MFHAS1: variants seen among roughly 807,000 people sequenced by gnomAD.
MFHAS1 encodes malignant fibrous histiocytoma-amplified sequence 1.
In MFHAS1, 50 loss-of-function variants were observed where a neutral mutation model predicts 70.4. The observed-to-expected ratio is 0.71, with a 90% CI of 0.57 to 0.90. The LOEUF (loss-of-function observed/expected upper bound fraction) is 0.90. Ranked by LOEUF, MFHAS1 falls within the 40% of genes least tolerant of loss-of-function variation. The pLI, the probability that MFHAS1 is intolerant of heterozygous loss-of-function variation, is 0.00. For missense variants in MFHAS1, 1,795 were observed against 1,347.6 expected (o/e 1.33, Z -5.20); for synonymous variants, 952 against 620.0 (o/e 1.54, Z -7.96).
chr8:8,792,550 G>C (rs940626443), intron 2 of MFHAS1, among the ~76,000 whole-genome samples: 29 of 152,120 alleles, frequency 1.9e-4, no homozygotes, highest in African/African-American at 6.8e-4. Flanking sequence ...AGGTTGTGGT[G>C]AGCCAAGATC....
chr8:8,863,509 T>A (rs541775246), intron 1 of MFHAS1, among the ~76,000 whole-genome samples: 1 of 152,178 alleles, frequency 6.6e-6, no homozygotes, highest in Admixed American at 6.5e-5. Context: ...TACCTATATT[T>A]ATTACCACGT....
chr8:8,863,944 C>T, intron 1 of MFHAS1, among the ~76,000 whole-genome samples: 1 of 152,208 alleles, frequency 6.6e-6, no homozygotes, highest in East Asian at 1.9e-4. Context: ...AGACACCAGA[C>T]CCTTCACCCA....
Position 8,797,355 on chromosome 8 carries a change from G to C in MFHAS1, c.3125+10C>G, listed in dbSNP as rs531202175. 6.2e-7 allele frequency: 1 copy of C among 1,613,280 alleles called. No homozygotes were observed. The highest frequency in any genetic ancestry group is 2.2e-5 in the East Asian group (1 of 44,836). The stretch of plus-strand genomic sequence containing the variant: ...CAGGTCCCGGGGCCAGAGGGACTTT[G>C]AGAACTCACTTGGAACAGGGGCTGA... On this transcript the variant is annotated intron_variant, in intron 2 of 2. Coordinates refer to ENST00000276282, the MANE Select transcript of MFHAS1 (RefSeq NM_004225.3).
rs777813276 is a variant in MFHAS1, at chr8:8,892,034, G to C, written c.1025C>G (p.Thr342Ser). 4 of 1,613,426 alleles carry C rather than the reference G, an allele frequency of 2.5e-6. No homozygotes were observed. Among genetic ancestry groups the C allele is most frequent in the Non-Finnish European group, 3.4e-6 (4 of 1,179,978 alleles). ...CTGCAGCACGAGCTCCTCCAGGCCGGTCAGCTCCACGATGGAGTCCGGCAG... is the reference window on the plus strand; with the variant it reads ...CTGCAGCACGAGCTCCTCCAGGCCGCTCAGCTCCACGATGGAGTCCGGCAG... ...RYLPDSIVEL[T>S]GLEELVLQGN... Residue 342 changes from threonine to serine, a missense_variant, in exon 1 of 3, where the codon ACC becomes AGC. Thr to Ser is a moderately conservative substitution (Grantham distance 58). Coordinates refer to ENST00000276282, the MANE Select transcript of MFHAS1 (RefSeq NM_004225.3). The surrounding 1 kb of genome is among the most constrained non-coding windows in gnomAD (Gnocchi z 4.7).
intron 2 of MFHAS1, among the ~76,000 whole-genome samples, chr8:8,788,872 G>A (rs1017996483): frequency 1.3e-5 from 2 of 152,144 alleles, no homozygotes; most frequent in Non-Finnish European, 2.9e-5. Flanking sequence ...CACCACGGCT[G>A]ACCTCCCATG....
intron 2 of MFHAS1, among the ~76,000 whole-genome samples, chr8:8,787,996 C>G (rs1805610492): frequency 6.6e-6 from 1 of 152,218 alleles, no homozygotes; most frequent in South Asian, 2.1e-4. Flanking sequence ...GCTCCATAAA[C>G]TTGTCCTCCT....
intron 1 of MFHAS1, among the ~76,000 whole-genome samples, chr8:8,807,796 T>G (rs548719444): frequency 2.0e-5 from 3 of 152,170 alleles, no homozygotes; most frequent in Admixed American, 1.3e-4. Flanking sequence ...AAAGGAGAGC[T>G]AAGGCCTTCT....
At chr8:8,839,652 C>A (rs1398360515) in intron 1 of MFHAS1, among the ~76,000 whole-genome samples, 2 of 152,180 alleles carry the variant, frequency 1.3e-5, no homozygotes, top group Non-Finnish European at 2.9e-5. Flanking sequence ...TTGAAAATCA[C>A]CAAGCCACTC....
At chr8:8,837,529 G>C (rs1000237253) in intron 1 of MFHAS1, among the ~76,000 whole-genome samples, 1 of 151,938 alleles carries the variant, frequency 6.6e-6, no homozygotes, top group Non-Finnish European at 1.5e-5. Context: ...ATACTCCCAA[G>C]CTACTCGAGA....
In MFHAS1 at chr8:8,790,817, C is replaced by T. The variant is rs1390809735; in HGVS notation, c.3126-4762G>A. On this transcript the variant is annotated intron_variant, in intron 2 of 2. Transcript: ENST00000276282. ...TTGGTGATATAAAGGCTACAGACTT[C>T]ATCCTGCTTTTTATGAAAGGCTACT... is the stretch of plus-strand genomic sequence containing the variant. Among the ~76,000 whole-genome samples, 9 of 152,308 alleles carry T rather than the reference C, an allele frequency of 5.9e-5. No homozygotes were observed. In the East Asian group the frequency reaches 1.7e-3, roughly 29 times the overall value.
At chr8:8,835,102 A>C (rs948085546) in intron 1 of MFHAS1, among the ~76,000 whole-genome samples, 14 of 152,216 alleles carry the variant, frequency 9.2e-5, no homozygotes, top group African/African-American at 3.4e-4. Flanking sequence ...CTAATAGGGC[A>C]ACCTAATTCC....
At chr8:8,887,819 G>C (rs1486846355) in intron 1 of MFHAS1, among the ~76,000 whole-genome samples, 1 of 131,452 alleles carries the variant, frequency 7.6e-6, no homozygotes, top group East Asian at 2.6e-4. Flanking sequence ...TTTATGACTG[G>C]TAAAAATTAA....
chr8:8,846,271 G>T (rs1280954278), intron 1 of MFHAS1, among the ~76,000 whole-genome samples: 1 of 102,812 alleles, frequency 9.7e-6, no homozygotes, highest in African/African-American at 3.6e-5. Flanking sequence ...AGGGGGGGGG[G>T]GAAGGAGGAG....
At position 8,880,586 on chromosome 8, in the gene MFHAS1, A is replaced by G. The variant is rs76090512; in HGVS notation, c.2998+9475T>C. 3.6e-3 allele frequency among the ~76,000 whole-genome samples: 543 copies of G among 152,214 alleles called. 3 individuals are homozygous for G. Among genetic ancestry groups the G allele is most frequent in the Non-Finnish European group, 5.7e-3 (391 of 68,002 alleles). On this transcript the variant is annotated intron_variant, in intron 1 of 2. Coordinates refer to ENST00000276282, the MANE Select transcript of MFHAS1 (RefSeq NM_004225.3). ...TCCCTGCCTCCTCGCCCTTCTCCCA[A>G]GCATGCTTGTTCAGATTTGCAAAAG...
intron 1 of MFHAS1, among the ~76,000 whole-genome samples, chr8:8,818,926 T>A (rs905737843): frequency 2.0e-5 from 3 of 152,236 alleles, no homozygotes; most frequent in Non-Finnish European, 4.4e-5. Context: ...TAGCCCCTTT[T>A]TGGAGAAAAA....
chr8:8,865,529 C>G (rs936822714), intron 1 of MFHAS1, among the ~76,000 whole-genome samples: 2 of 152,138 alleles, frequency 1.3e-5, no homozygotes, highest in Non-Finnish European at 2.9e-5. Flanking sequence ...CCTCCCAGGA[C>G]AGCCCTGGTG....
intron 1 of MFHAS1, among the ~76,000 whole-genome samples, chr8:8,808,318 G>C (rs903657146): frequency 6.6e-5 from 10 of 151,786 alleles, no homozygotes; most frequent in Admixed American, 1.3e-4. Flanking sequence ...GCTCCCCTGG[G>C]AACCCTCCTC....
chr8:8,858,947 T>A (rs1316658483), intron 1 of MFHAS1, among the ~76,000 whole-genome samples: 1 of 152,232 alleles, frequency 6.6e-6, no homozygotes, highest in African/African-American at 2.4e-5. Flanking sequence ...TTTCTCAACA[T>A]ATTTTCTGCA....
chr8:8,865,878 C>T (rs1808836834), intron 1 of MFHAS1, among the ~76,000 whole-genome samples: 1 of 152,170 alleles, frequency 6.6e-6, no homozygotes, highest in South Asian at 2.1e-4. Flanking sequence ...CTCAGGAAGG[C>T]AGAAAAACTA....
Sources: gnomAD v4.1 joint callset for allele counts (sites outside exome capture counted in the v4.1 genomes callset) on GRCh38, gnomAD v4.1.1 for gene constraint, Gnocchi (gnomAD v3.1) non-coding constraint, MANE v1.5 for transcripts, NCBI Gene and HGNC (gene_info 2026-07-23, HGNC 2026-07-21) for gene names.